Variants in KLRG1 observed in about 807,000 individuals in gnomAD.
KLRG1 encodes killer cell lectin like receptor G1.
Under a neutral mutation model 21.8 loss-of-function variants are expected in KLRG1, and 16 were observed. The ratio of observed to expected loss-of-function variants is 0.73; its 90% CI spans 0.50 to 1.11. The LOEUF (loss-of-function observed/expected upper bound fraction) is 1.11, where lower values mean the gene tolerates loss of function less well. KLRG1 is among the 50% of genes most tolerant of loss of function. The probability of loss-of-function intolerance (pLI) is 0.00; values close to 1 mark genes in which losing one functional copy is unlikely to be tolerated. For missense variants in KLRG1, 173 were observed against 218.3 expected (o/e 0.79, Z 1.31); for synonymous variants, 69 against 75.9 (o/e 0.91, Z 0.47).
chr12:8,987,826 T>C (rs1481769125), upstream of KLRG1, among the ~76,000 whole-genome samples: 1 of 152,234 alleles, frequency 6.6e-6, no homozygotes, highest in Non-Finnish European at 1.5e-5. Flanking sequence ...TTATAAAGTA[T>C]GACAGGATTT....
chr12:9,151,653 A>T, the KLRG1 span: 1 of 1,613,878 alleles, frequency 6.2e-7, no homozygotes, highest in Non-Finnish European at 8.5e-7. Flanking sequence ...TGTCCGGCTC[A>T]CAGAGCTAGA....
At chr12:9,077,647 C>T in the KLRG1 span, 1 of 1,594,078 alleles carries the variant, frequency 6.3e-7, no homozygotes, top group Non-Finnish European at 8.6e-7. Context: ...TTCCTATCCT[C>T]ATCCTTGCAG....
At chr12:9,169,745 T>G in the KLRG1 span, 1 of 641,974 alleles carries the variant, frequency 1.6e-6, no homozygotes, top group African/African-American at 1.9e-5. Flanking sequence ...TCCTTATATT[T>G]AACAGTGTTG....
the KLRG1 span, among the ~76,000 whole-genome samples, chr12:9,025,956 G>C: frequency 5.3e-5 from 8 of 152,016 alleles, no homozygotes; most frequent in Admixed American, 5.2e-4. Flanking sequence ...AATCACAAAG[G>C]GGAAAGAGAG....
the KLRG1 span, among the ~76,000 whole-genome samples, chr12:9,097,598 G>C: frequency 4.0e-5 from 6 of 151,034 alleles, no homozygotes; most frequent in Non-Finnish European, 8.8e-5. Context: ...ATTATGTGTA[G>C]CTTGGGACAG....
At chr12:9,194,028 T>G in the KLRG1 span, 3 of 1,527,906 alleles carry the variant, frequency 2.0e-6, no homozygotes, top group Non-Finnish European at 2.7e-6. Context: ...AATATATCAC[T>G]GTTCCTAACA....
chr12:8,993,027 T>G (rs1223864563), intron 2 of KLRG1, among the ~76,000 whole-genome samples: 1 of 152,028 alleles, frequency 6.6e-6, no homozygotes, highest in Non-Finnish European at 1.5e-5. Flanking sequence ...ATAATATTAA[T>G]GATGTTTAAC....
intron 1 of KLRG1, among the ~76,000 whole-genome samples, chr12:8,962,082 T>C (rs1946391201): frequency 6.6e-6 from 1 of 151,930 alleles, no homozygotes; most frequent in East Asian, 1.9e-4. Flanking sequence ...TGAGACCCCG[T>C]CTCTTGCCAG....
chr12:9,069,047 A>G, the KLRG1 span: 1 of 459,410 alleles, frequency 2.2e-6, no homozygotes, highest in East Asian at 3.4e-5. Context: ...TAACGCATAT[A>G]CCTCTGTCAA....
chr12:9,095,606 T>C, the KLRG1 span: 1 of 1,611,984 alleles, frequency 6.2e-7, no homozygotes, highest in Non-Finnish European at 8.5e-7. Context: ...TCCATTAATA[T>C]AGACATTATG....
the KLRG1 span, among the ~76,000 whole-genome samples, chr12:9,121,314 A>C: frequency 6.6e-6 from 1 of 152,200 alleles, no homozygotes; most frequent in Non-Finnish European, 1.5e-5. The surrounding 1 kb of genome is among the most constrained non-coding windows in gnomAD (Gnocchi z 4.4). Flanking sequence ...AGACTGAGGC[A>C]GGTGGATCAT....
the KLRG1 span, among the ~76,000 whole-genome samples, chr12:9,129,504 G>T: frequency 6.6e-6 from 1 of 151,994 alleles, no homozygotes; most frequent in Non-Finnish European, 1.5e-5. Flanking sequence ...TAAACTGAAA[G>T]TATTTTCAGT....
chr12:9,183,758 ACT>A, the KLRG1 span, among the ~76,000 whole-genome samples: 1 of 152,070 alleles, frequency 6.6e-6, no homozygotes, highest in Admixed American at 6.5e-5. Context: ...AATTGTTATA[ACT>A]CTACGTAGAA....
chr12:9,173,040 C>T, the KLRG1 span, among the ~76,000 whole-genome samples: 1 of 152,232 alleles, frequency 6.6e-6, no homozygotes, highest in South Asian at 2.1e-4. Context: ...CTCATTGCCA[C>T]ATGGCATTTA....
At chr12:9,070,242 C>G in the KLRG1 span, among the ~76,000 whole-genome samples, 2 of 152,150 alleles carry the variant, frequency 1.3e-5, no homozygotes, top group East Asian at 3.9e-4. Context: ...AAATTCTAAG[C>G]TAAGAAGAAA....
chr12:9,143,169 G>A, the KLRG1 span, among the ~76,000 whole-genome samples: 4 of 152,208 alleles, frequency 2.6e-5, no homozygotes, highest in African/African-American at 9.7e-5. Context: ...ATTGGGTTAT[G>A]TGCAGGAATT....
intron 1 of KLRG1, among the ~76,000 whole-genome samples, chr12:8,961,773 T>A (rs1946385743): frequency 6.6e-6 from 1 of 152,150 alleles, no homozygotes; most frequent in Non-Finnish European, 1.5e-5. Context: ...CAATTCACAA[T>A]GTCTGGCATC....
the KLRG1 span, among the ~76,000 whole-genome samples, chr12:9,174,113 A>G: frequency 6.6e-6 from 1 of 152,252 alleles, no homozygotes; most frequent in Non-Finnish European, 1.5e-5. Context: ...GCAGCACGTC[A>G]AAAAGCTTAT....
the KLRG1 span, among the ~76,000 whole-genome samples, chr12:9,059,301 G>GACA: frequency 1.3e-5 from 2 of 152,126 alleles, no homozygotes; most frequent in Non-Finnish European, 2.9e-5. Context: ...TCATTTGACA[G>GACA]TTTTGGTTAC....
Sources: gnomAD v4.1 joint callset for allele counts (sites outside exome capture counted in the v4.1 genomes callset) on GRCh38, gnomAD v4.1.1 for gene constraint, Gnocchi (gnomAD v3.1) non-coding constraint, MANE v1.5 for transcripts, NCBI Gene and HGNC (gene_info 2026-07-23, HGNC 2026-07-21) for gene names.